Variants in C12orf54 observed in about 807,000 individuals in gnomAD.
C12orf54 encodes the protein uncharacterized protein C12orf54.
A neutral mutation model predicts 26.4 loss-of-function variants in C12orf54; 24 were observed. The ratio of observed to expected loss-of-function variants is 0.91; its 90% CI spans 0.66 to 1.28. The LOEUF (loss-of-function observed/expected upper bound fraction) is 1.28. Among genes scored for constraint, C12orf54 ranks in the 50% most tolerant of loss-of-function variants. The pLI is 0.00. For synonymous variants in C12orf54, 54 were observed against 47.0 expected, an observed-to-expected ratio of 1.15 and a Z score of -0.61; for missense variants, 154 against 150.9, an observed-to-expected ratio of 1.02 and a Z score of -0.11.
chr12:48,413,548 A>G, the C12orf54 span, among the ~76,000 whole-genome samples: 2 of 152,322 alleles, frequency 1.3e-5, no homozygotes, highest in East Asian at 3.9e-4. Context: ...CTTGAAGTGA[A>G]GCATGCTGCG....
chr12:48,483,811 G>A (rs539357893), intron 2 of C12orf54, among the ~76,000 whole-genome samples: 1 of 152,306 alleles, frequency 6.6e-6, no homozygotes, highest in South Asian at 2.1e-4. Flanking sequence ...AGGGTTTACT[G>A]TGAACTTATG....
At chr12:48,491,178 T>C (rs974459606) in intron 6 of C12orf54, among the ~76,000 whole-genome samples, 2 of 152,186 alleles carry the variant, frequency 1.3e-5, no homozygotes, top group Admixed American at 1.3e-4. Context: ...AACAGAAATT[T>C]ATTTCCCACA....
chr12:48,415,931 G>C, the C12orf54 span, among the ~76,000 whole-genome samples: 1 of 152,060 alleles, frequency 6.6e-6, no homozygotes, highest in Non-Finnish European at 1.5e-5. Flanking sequence ...GCATGTCCCC[G>C]ATTATCCTGA....
At chr12:48,485,371 C>A (rs534858055) in intron 2 of C12orf54, among the ~76,000 whole-genome samples, 2 of 152,220 alleles carry the variant, frequency 1.3e-5, no homozygotes, top group East Asian at 3.9e-4. Flanking sequence ...TCATCTAGAG[C>A]CCAGTTTTCT....
chr12:48,425,460 CTT>C, the C12orf54 span, among the ~76,000 whole-genome samples: 3 of 152,110 alleles, frequency 2.0e-5, no homozygotes, highest in Non-Finnish European at 4.4e-5. Flanking sequence ...ACCACGTTTT[CTT>C]TATCCAATCT....
chr12:48,445,326 G>C, the C12orf54 span, among the ~76,000 whole-genome samples: 1 of 151,928 alleles, frequency 6.6e-6, no homozygotes, highest in Middle Eastern at 3.4e-3. Context: ...CATTAAGCCA[G>C]ATATAGTAAA....
Position 48,496,480 on chromosome 12 carries a change from A to T in C12orf54, c.*340A>T, listed in dbSNP as rs532620115. ...TTGGTTCAAAGAACAGCACTGTAGC[A>T]TGGGAGAACCTGCACTATAATGTCA... On this transcript the variant is annotated 3_prime_UTR_variant, in exon 9 of 9. Transcript: ENST00000548364. The T allele has an allele frequency of 2.6e-5, 4 of 152,694 alleles. No homozygotes were observed. The highest frequency in any genetic ancestry group is 2.6e-4 in the Admixed American group (4 of 15,294). 9.5% of individuals were successfully genotyped at this position (152,694 alleles called of 1,614,324 possible). A position where few individuals can be genotyped will look rare whatever the true frequency, so the allele number is the denominator to read the frequency against.
At chr12:48,427,688 G>T in the C12orf54 span, among the ~76,000 whole-genome samples, 1 of 151,908 alleles carries the variant, frequency 6.6e-6, no homozygotes, top group Non-Finnish European at 1.5e-5. Flanking sequence ...ATTACTACTA[G>T]AACTAAGAAA....
At chr12:48,427,542 G>C in the C12orf54 span, among the ~76,000 whole-genome samples, 194 of 151,582 alleles carry the variant, frequency 1.3e-3, no homozygotes, top group Non-Finnish European at 2.4e-3. Context: ...AGCTTTCTTT[G>C]TTTGTTGTGT....
At chr12:48,421,912 T>A in the C12orf54 span, among the ~76,000 whole-genome samples, 1 of 152,214 alleles carries the variant, frequency 6.6e-6, no homozygotes, top group Non-Finnish European at 1.5e-5. Context: ...AGAAAATAAG[T>A]AAATTGTATA....
chr12:48,471,955 T>A, the C12orf54 span, among the ~76,000 whole-genome samples: 25 of 152,214 alleles, frequency 1.6e-4, no homozygotes, highest in African/African-American at 6.0e-4. Flanking sequence ...TTTAATAATA[T>A]TGATCTTACA....
chr12:48,425,466 C>T, the C12orf54 span, among the ~76,000 whole-genome samples: 236 of 152,174 alleles, frequency 1.6e-3, 1 homozygote, highest in Admixed American at 6.2e-3. Context: ...TTTTCTTTAT[C>T]CAATCTGTCA....
chr12:48,434,989 T>C, the C12orf54 span, among the ~76,000 whole-genome samples: 24 of 151,920 alleles, frequency 1.6e-4, no homozygotes, highest in African/African-American at 4.8e-4. Flanking sequence ...TTTGAACCAA[T>C]GGCAAAGAAG....
the C12orf54 span, among the ~76,000 whole-genome samples, chr12:48,426,566 G>T: frequency 2.0e-5 from 3 of 151,914 alleles, no homozygotes; most frequent in Non-Finnish European, 4.4e-5. Context: ...TGGCTGTTTG[G>T]GCTCATTTTG....
chr12:48,495,900 G>T (rs775302148), intron 8 of C12orf54, among the ~76,000 whole-genome samples: 5 of 152,126 alleles, frequency 3.3e-5, no homozygotes, highest in Non-Finnish European at 7.3e-5. Context: ...ACCCAGTTTG[G>T]GTTCAGATTG....
the C12orf54 span, among the ~76,000 whole-genome samples, chr12:48,463,952 T>C: frequency 6.6e-6 from 1 of 152,108 alleles, no homozygotes; most frequent in African/African-American, 2.4e-5. Flanking sequence ...AAGAGCCATC[T>C]ATAACAAACC....
chr12:48,483,080 ACACATACATG>A (rs1243017184), intron 1 of C12orf54, among the ~76,000 whole-genome samples, 150 bp from the exon 2 acceptor site: 2 of 152,060 alleles, frequency 1.3e-5, no homozygotes, highest in Non-Finnish European at 2.9e-5. Context: ...ATGCATATGC[ACACATACATG>A]CACATATATG....
At chr12:48,485,470 T>C (rs577700098) in intron 2 of C12orf54, among the ~76,000 whole-genome samples, 5 of 152,248 alleles carry the variant, frequency 3.3e-5, no homozygotes, top group Non-Finnish European at 7.4e-5. Flanking sequence ...TGGCAGGAAC[T>C]GTACTAGCAG....
the C12orf54 span, among the ~76,000 whole-genome samples, chr12:48,476,180 C>A: frequency 6.6e-6 from 1 of 152,144 alleles, no homozygotes; most frequent in Non-Finnish European, 1.5e-5. Flanking sequence ...AAATCCTTTA[C>A]AGACAAGCAA....
Sources: gnomAD v4.1 joint callset for allele counts (sites outside exome capture counted in the v4.1 genomes callset) on GRCh38, gnomAD v4.1.1 for gene constraint, MANE v1.5 for transcripts, NCBI Gene and HGNC (gene_info 2026-07-23, HGNC 2026-07-21) for gene names.